Variants in EPB41L4A observed in about 807,000 individuals in gnomAD.
EPB41L4A encodes the protein erythrocyte membrane protein band 4.1 like 4A.
A neutral mutation model predicts 108.6 loss-of-function variants in EPB41L4A; 100 were observed. The ratio of observed to expected loss-of-function variants is 0.92; its 90% CI spans 0.78 to 1.09. The LOEUF (loss-of-function observed/expected upper bound fraction) is 1.09. Among genes scored for constraint, EPB41L4A ranks in the 50% least tolerant of loss-of-function variants. EPB41L4A has a pLI of 0.00. For synonymous variants in EPB41L4A, 319 were observed against 289.0 expected, an observed-to-expected ratio of 1.10 and a Z score of -1.05; for missense variants, 1,030 against 842.7, an observed-to-expected ratio of 1.22 and a Z score of -2.75.
chr5:112,251,328 T>A (rs1158624563), intron 9 of EPB41L4A, among the ~76,000 whole-genome samples: 1 of 152,086 alleles, frequency 6.6e-6, no homozygotes, highest in Non-Finnish European at 1.5e-5. Context: ...CACACAAAAT[T>A]ACTGAATGAA....
At chr5:112,280,672 C>G (rs1034897629) in intron 2 of EPB41L4A, among the ~76,000 whole-genome samples, 7 of 152,184 alleles carry the variant, frequency 4.6e-5, no homozygotes, top group African/African-American at 1.7e-4. Context: ...AAAGATGATG[C>G]TGACGTTGGA....
intron 20 of EPB41L4A, among the ~76,000 whole-genome samples, chr5:112,169,319 TGTATA>T (rs929956901): frequency 6.6e-6 from 1 of 152,192 alleles, no homozygotes; most frequent in African/African-American, 2.4e-5. Flanking sequence ...AGTATTTGTG[TGTATA>T]CATATATATA....
At chr5:112,416,276 T>C (rs897883746) in intron 1 of EPB41L4A, among the ~76,000 whole-genome samples, 1 of 152,160 alleles carries the variant, frequency 6.6e-6, no homozygotes, top group Non-Finnish European at 1.5e-5. Context: ...TTCTCTCATA[T>C]TTCTTCCACC....
At chr5:112,350,917 A>T (rs1446886850) in intron 1 of EPB41L4A, among the ~76,000 whole-genome samples, 1 of 152,192 alleles carries the variant, frequency 6.6e-6, no homozygotes, top group Non-Finnish European at 1.5e-5. Flanking sequence ...ATTGTGACTA[A>T]TTCAGCGCTG....
Position 112,234,668 on chromosome 5 carries a change from A to C in EPB41L4A, c.1053T>G (p.Thr351=). 1 of 1,613,660 alleles carries C rather than the reference A, an allele frequency of 6.2e-7. No individual in the cohort carries two copies. Among genetic ancestry groups the C allele is most frequent in the Non-Finnish European group, 8.5e-7 (1 of 1,179,682 alleles). The change falls in exon 12 of 23, where the codon ACT becomes ACG. Residue 351 remains threonine, a synonymous_variant. Coordinates refer to ENST00000261486, the MANE Select transcript of EPB41L4A (RefSeq NM_022140.5). The part of the protein sequence containing the change: ...DQNVTRSRSK[T]YPKRIAQTQP... ...GTGTTTGTGCTATTCGCTTAGGGTA[A>C]GTCTTGCTTCGACTTCTTGTCACAT...
intron 1 of EPB41L4A, among the ~76,000 whole-genome samples, chr5:112,348,915 T>G (rs1332139079): frequency 6.6e-6 from 1 of 152,138 alleles, no homozygotes; most frequent in African/African-American, 2.4e-5. Context: ...GAAGAAGACA[T>G]GACTAAGACA....
chr5:112,212,037 C>T (rs907604187), intron 12 of EPB41L4A, among the ~76,000 whole-genome samples: 1 of 152,188 alleles, frequency 6.6e-6, no homozygotes, highest in African/African-American at 2.4e-5. Flanking sequence ...TGGAACACAA[C>T]CAATTAATTC....
intron 12 of EPB41L4A, among the ~76,000 whole-genome samples, chr5:112,152,388 T>G (rs1241883832): frequency 1.3e-5 from 2 of 152,198 alleles, no homozygotes; most frequent in Non-Finnish European, 2.9e-5. Flanking sequence ...AATGTTTATG[T>G]CCCTCCAAAA....
intron 1 of EPB41L4A, among the ~76,000 whole-genome samples, chr5:112,371,191 G>A (rs1023919778): frequency 7.2e-5 from 11 of 152,084 alleles, no homozygotes; most frequent in East Asian, 5.8e-4. Context: ...ACTTATCAAC[G>A]CCCTAGCAGC....
chr5:112,308,760 A>C (rs1333443218), intron 1 of EPB41L4A, among the ~76,000 whole-genome samples: 1 of 152,180 alleles, frequency 6.6e-6, no homozygotes, highest in Non-Finnish European at 1.5e-5. Flanking sequence ...ACTCATCTGA[A>C]GGATATGTAT....
chr5:112,401,137 G>A (rs1761722005), intron 1 of EPB41L4A, among the ~76,000 whole-genome samples: 2 of 152,108 alleles, frequency 1.3e-5, no homozygotes, highest in Admixed American at 6.5e-5. Flanking sequence ...GCCCCTATCT[G>A]TCCCCTATCT....
intron 12 of EPB41L4A, chr5:112,228,763 T>C: frequency 1.0e-6 from 1 of 985,284 alleles, no homozygotes; most frequent in African/African-American, 1.7e-5. Context: ...CACTTTTTCC[T>C]CCTGCCGTCC....
At chr5:112,307,534 T>C in intron 1 of EPB41L4A, 44 bp from the exon 2 acceptor site, 1 of 1,310,320 alleles carries the variant, frequency 7.6e-7, no homozygotes, top group African/African-American at 1.5e-5. Context: ...TGCCCTTTTG[T>C]TCCTAAGTAG....
chr5:112,350,455 C>A (rs1230358291), intron 1 of EPB41L4A, among the ~76,000 whole-genome samples: 1 of 152,144 alleles, frequency 6.6e-6, no homozygotes, highest in Non-Finnish European at 1.5e-5. Flanking sequence ...TTCATCACCT[C>A]GAGGATTTAT....
At chr5:112,392,401 C>CAAAAAAAAAAAAAAAAA (rs56256606) in intron 1 of EPB41L4A, among the ~76,000 whole-genome samples, 4 of 35,920 alleles carry the variant, frequency 1.1e-4, no homozygotes, top group Admixed American at 4.0e-4. Flanking sequence ...AAATGGAAAG[C>CAAAAAAAAAAAAAAAAA]AAAAAAAAAA....
chr5:112,334,461 A>G (rs531390396), intron 1 of EPB41L4A, among the ~76,000 whole-genome samples: 8 of 152,282 alleles, frequency 5.3e-5, no homozygotes, highest in Non-Finnish European at 1.2e-4. Flanking sequence ...ATGGCCACAT[A>G]TGAGACTTCA....
chr5:112,160,865 C>G (rs35445142), downstream of EPB41L4A: 1 of 156,254 alleles, frequency 6.4e-6, no homozygotes, highest in African/African-American at 2.4e-5. Context: ...GAAGCCTGTC[C>G]TTTCTTCCTT....
chr5:112,228,755 CT>C (rs1748655085), intron 12 of EPB41L4A: 1 of 985,314 alleles, frequency 1.0e-6, no homozygotes, highest in Non-Finnish European at 1.2e-6. Flanking sequence ...CAGGAGGGCA[CT>C]TTTTCCTCCT....
At chr5:112,328,157 A>G (rs1756306496) in intron 1 of EPB41L4A, among the ~76,000 whole-genome samples, 1 of 152,082 alleles carries the variant, frequency 6.6e-6, no homozygotes, top group South Asian at 2.1e-4. Context: ...AAAATATAAA[A>G]AATTAGCCGA....
Sources: gnomAD v4.1 joint callset for allele counts (sites outside exome capture counted in the v4.1 genomes callset) on GRCh38, gnomAD v4.1.1 for gene constraint, MANE v1.5 for transcripts, NCBI Gene and HGNC (gene_info 2026-07-23, HGNC 2026-07-21) for gene names.